Variants in PLIN4 observed in about 807,000 individuals in gnomAD.
PLIN4 encodes the protein perilipin 4.
In PLIN4, 57 loss-of-function variants were observed where a neutral mutation model predicts 52.4. The observed-to-expected ratio is 1.09, with a 90% confidence interval of 0.88 to 1.36. PLIN4 has a LOEUF of 1.36. Ranked by LOEUF, PLIN4 falls within the 40% of genes most tolerant of loss-of-function variation. The probability of loss-of-function intolerance (pLI) is 0.00; values close to 1 mark genes in which losing one functional copy is unlikely to be tolerated. For missense variants in PLIN4, 1,757 were observed against 1,770.3 expected, an observed-to-expected ratio of 0.99 and a Z score of 0.13; for synonymous variants, 826 against 785.4, an observed-to-expected ratio of 1.05 and a Z score of -0.86.
intron 2 of PLIN4, 103 bp from the exon 3 acceptor site, chr19:4,517,801 G>T: frequency 7.1e-7 from 1 of 1,408,532 alleles, no homozygotes; most frequent in Non-Finnish European, 9.5e-7. Context: ...CCGGCCCCTT[G>T]CTCCTGGGTG....
chr19:4,502,205 A>T lies in PLIN4; in HGVS notation c.*2254T>A, dbSNP rs574669437. 3.0e-6 allele frequency: 2 copies of T among 670,700 alleles called. No homozygotes were observed. The highest frequency in any genetic ancestry group is 3.7e-5 in the African/African-American group (2 of 54,708). 41.5% of individuals were successfully genotyped at this position (670,700 alleles called of 1,614,324 possible). ...GACTATAAATGGTTTTTTAATGAAA[A>T]AAGAAATCACTTTTATTGGCTTGGT... On this transcript the variant is annotated 3_prime_UTR_variant, in exon 8 of 8. Coordinates refer to ENST00000301286, the MANE Select transcript of PLIN4 (RefSeq NM_001367868.2).
intron 4 of PLIN4, among the ~76,000 whole-genome samples, chr19:4,515,855 G>A (rs559063873): frequency 1.3e-5 from 2 of 152,354 alleles, no homozygotes; most frequent in African/African-American, 2.4e-5. Flanking sequence ...GGGCCCTGTA[G>A]TTGGAGAGAC....
chr19:4,517,992 G>A (rs1976635798), intron 2 of PLIN4, among the ~76,000 whole-genome samples: 1 of 152,210 alleles, frequency 6.6e-6, no homozygotes, highest in Non-Finnish European at 1.5e-5. Flanking sequence ...CGGAGCTGAG[G>A]CCGGCCCAAG....
rs1232384684 is a variant in PLIN4, at chr19:4,503,521, G to C, written c.*938C>G. On this transcript the variant is annotated 3_prime_UTR_variant, in exon 8 of 8. Coordinates refer to ENST00000301286, the MANE Select transcript of PLIN4 (RefSeq NM_001367868.2). ...CCAGGGGGAGTGTGCGGCGGAGGAA[G>C]GGCTGTGCCATAGGCACGCAGCCTC... 1.3e-5 allele frequency: 2 copies of C among 152,512 alleles called. No individual in the cohort carries two copies. Among genetic ancestry groups the C allele is most frequent in the Non-Finnish European group, 2.9e-5 (2 of 68,264 alleles). 9.4% of individuals were successfully genotyped at this position (152,512 alleles called of 1,614,324 possible). A position where few individuals can be genotyped will look rare whatever the true frequency, so the allele number is the denominator to read the frequency against.
chr19:4,509,870 C>T (rs1014155226), intron 5 of PLIN4, among the ~76,000 whole-genome samples: 1 of 151,718 alleles, frequency 6.6e-6, no homozygotes, highest in Non-Finnish European at 1.5e-5. Context: ...GTAGTGAACG[C>T]ACCACTGCAC....
chr19:4,502,409 C>T lies in PLIN4; in HGVS notation c.*2050G>A, dbSNP rs1975942502. On this transcript the variant is annotated 3_prime_UTR_variant, in exon 8 of 8. Coordinates refer to ENST00000301286, the MANE Select transcript of PLIN4 (RefSeq NM_001367868.2). ...GAGAGCTGGGCGGGAGCAAGCTCTT[C>T]CCAGGAGACAAGAGGGACAAACCAG... The T allele has an allele frequency of 5.8e-6, 2 of 344,062 alleles. No homozygotes were observed. The highest frequency in any genetic ancestry group is 2.2e-5 in the African/African-American group (1 of 45,620). 21.3% of individuals were successfully genotyped at this position (344,062 alleles called of 1,614,324 possible). A position where few individuals can be genotyped will look rare whatever the true frequency, so the allele number is the denominator to read the frequency against.
intron 6 of PLIN4, among the ~76,000 whole-genome samples, chr19:4,506,622 T>G (rs1472394497): frequency 6.6e-6 from 1 of 152,164 alleles, no homozygotes; most frequent in Non-Finnish European, 1.5e-5. Flanking sequence ...ACATCCCATT[T>G]CCCAGCCCAG....
chr19:4,504,995 C>T (rs1293246179), intron 6 of PLIN4, 48 bp from the exon 7 acceptor site: 2 of 1,515,514 alleles, frequency 1.3e-6, no homozygotes, highest in Non-Finnish European at 1.8e-6. Context: ...GGCAAATGAC[C>T]TTTCACAACC....
chr19:4,502,350 T>G lies in PLIN4; in HGVS notation c.*2109A>C. ...CGTGAGAAGCGACTAAAAGGCACTCTGGGCCCAGCCCAACCCTGAAAGGCC... is the reference window on the plus strand; with the variant it reads ...CGTGAGAAGCGACTAAAAGGCACTCGGGGCCCAGCCCAACCCTGAAAGGCC... On this transcript the variant is annotated 3_prime_UTR_variant, in exon 8 of 8. Coordinates refer to ENST00000301286, the MANE Select transcript of PLIN4 (RefSeq NM_001367868.2). 2.6e-6 allele frequency: 1 copy of G among 377,804 alleles called. No individual in the cohort carries two copies. Among genetic ancestry groups the G allele is most frequent in the Non-Finnish European group, 4.9e-6 (1 of 202,366 alleles). 23.4% of individuals were successfully genotyped at this position (377,804 alleles called of 1,614,324 possible). A position where few individuals can be genotyped will look rare whatever the true frequency, so the allele number is the denominator to read the frequency against.
chr19:4,516,792 A>C (rs1599754296), intron 3 of PLIN4, 114 bp from the exon 4 acceptor site: 1 of 1,094,120 alleles, frequency 9.1e-7, no homozygotes. Flanking sequence ...TGTTTCAGCT[A>C]CCCCGCCAGG....
rs1976182156 is a variant in PLIN4, at chr19:4,508,852, T to G, written c.3618A>C (p.Ala1206=). ...GCAGGTGGCTCACCGCGTGTTCAAA[T>G]GCCCGCTGGCGGAAGCTGGGACCCA... ...GDLGPSFRQR[A]FEHAVSHLQH... is the part of the protein sequence containing the mutation. The change falls in exon 6 of 8, where the codon GCA becomes GCC. Residue 1206 remains alanine (A), a synonymous_variant. Coordinates refer to ENST00000301286, the MANE Select transcript of PLIN4 (RefSeq NM_001367868.2). The G allele has an allele frequency of 1.9e-6, 3 of 1,611,452 alleles. No individual in the cohort carries two copies. Among genetic ancestry groups the G allele is most frequent in the Non-Finnish European group, 2.5e-6 (3 of 1,179,150 alleles).
chr19:4,516,020 A>T (rs972233772), intron 4 of PLIN4, among the ~76,000 whole-genome samples: 6 of 152,208 alleles, frequency 3.9e-5, no homozygotes, highest in Admixed American at 3.3e-4. Flanking sequence ...AATGCCTGTA[A>T]TCCCAGCACT....
chr19:4,508,109 C>T (rs1398551592), intron 6 of PLIN4, among the ~76,000 whole-genome samples: 14 of 152,214 alleles, frequency 9.2e-5, no homozygotes, highest in Admixed American at 9.2e-4. Flanking sequence ...ACCCAGCTTG[C>T]TCCCCGGTAG....
chr19:4,508,549 G>A (rs774189493), intron 6 of PLIN4, among the ~76,000 whole-genome samples: 2 of 152,176 alleles, frequency 1.3e-5, no homozygotes, highest in African/African-American at 2.4e-5. Flanking sequence ...TTACAGGCGT[G>A]AGCCACCGCA....
Position 4,508,911 on chromosome 19 carries a change from C to G in PLIN4, c.3559G>C (p.Glu1187Gln), listed in dbSNP as rs745928904. ...SQPGPKVLSA[E>Q]QGSYFVRLGD... ...AAACGAACGAAGTAGCTCCCCTGTT[C>G]CGCCGACAGCACCTTTGGCCCAGGC... is the stretch of plus-strand genomic sequence containing the variant. The change falls in exon 6 of 8, where the codon GAA (glutamate) becomes CAA (glutamine). Residue 1187 changes from glutamate to glutamine, a missense_variant. Glu to Gln is a conservative substitution (Grantham distance 29, BLOSUM62 2). Coordinates refer to ENST00000301286, the MANE Select transcript of PLIN4 (RefSeq NM_001367868.2). The G allele has an allele frequency of 4.3e-6, 7 of 1,612,944 alleles. No homozygotes were observed. Among genetic ancestry groups the G allele is most frequent in the Non-Finnish European group, 5.1e-6 (6 of 1,179,784 alleles).
Position 4,512,546 on chromosome 19 carries a change from C to A in PLIN4, c.1414G>T (p.Gly472Trp), listed in dbSNP as rs771294329. ...LTGTKDTVCS[G>W]VTGAANVAKG... Reference sequence around the variant, plus strand: ...GCCACATTCGCAGCACCGGTGACCCCACTGCAGACAGTGTCCTTGGTACCA... The same window carrying A: ...GCCACATTCGCAGCACCGGTGACCCAACTGCAGACAGTGTCCTTGGTACCA... Residue 472 changes from glycine (G) to tryptophan (W), a missense_variant, in exon 5 of 8, where the codon GGG (glycine) becomes TGG (tryptophan). Gly to Trp is a radical substitution (Grantham distance 184). Around this residue, in one of 7 missense-constraint regions of PLIN4, gnomAD observed 439 missense variants for 406.4 expected, o/e 1.08. Transcript: ENST00000301286. 6.2e-7 allele frequency: 1 copy of A among 1,611,346 alleles called. No homozygotes were observed. The highest frequency in any genetic ancestry group is 8.5e-7 in the Non-Finnish European group (1 of 1,178,726).
rs199905638 is a variant in PLIN4 at position 4,513,021 on chromosome 19, A to G, written c.939T>C (p.Asn313=). 6.6e-6 allele frequency: 3 copies of G among 451,462 alleles called. No homozygotes were observed. The highest frequency in any genetic ancestry group is 2.2e-5 in the South Asian group (1 of 46,180). The allele number at this position is 451,462 out of a possible 1,614,324, so 28.0% of individuals were successfully genotyped here. ...TVCSGVTGAM[N]VAKGTIQTGV... ...CGGTCTGGATGGTTCCTTTGGCCAC[A>G]TTCATGGCACCAGTCACCCCACTAC... The change falls in exon 5 of 8, where the codon AAT becomes AAC. Residue 313 remains asparagine, a synonymous_variant. Coordinates refer to ENST00000301286, the MANE Select transcript of PLIN4 (RefSeq NM_001367868.2).
chr19:4,509,663 G>A (rs1680851667), intron 5 of PLIN4, among the ~76,000 whole-genome samples: 1 of 152,074 alleles, frequency 6.6e-6, no homozygotes, highest in South Asian at 2.1e-4. Context: ...AATGAAGCTG[G>A]GTATGGTGGC....
rs56271257 is a variant in PLIN4 at position 4,512,983 on chromosome 19, C to A, written c.977G>T (p.Ser326Ile). 8 of 600,176 alleles carry A rather than the reference C, an allele frequency of 1.3e-5. No homozygotes were observed. Among genetic ancestry groups the A allele is most frequent in the South Asian group, 1.1e-4 (6 of 54,680 alleles). 37.2% of individuals were successfully genotyped at this position (600,176 alleles called of 1,614,324 possible). A position where few individuals can be genotyped will look rare whatever the true frequency, so the allele number is the denominator to read the frequency against. ...KGTIQTGVDT[S>I]KTVLTGTKDT... ...CTTGGTACCTGTTAGGACAGTCTTA[C>A]TGGTGTCCACGCCGGTCTGGATGGT... Residue 326 changes from serine (S) to isoleucine (I), a missense_variant, in exon 5 of 8, where the codon AGT becomes ATT. Coordinates refer to ENST00000301286, the MANE Select transcript of PLIN4 (RefSeq NM_001367868.2).
Sources: allele counts gnomAD v4.1 joint callset (sites outside exome capture counted in the v4.1 genomes callset), GRCh38; gene constraint gnomAD v4.1.1; regional missense constraint gnomAD v4.1.1; transcripts MANE v1.5; gene names NCBI Gene and HGNC (gene_info 2026-07-23, HGNC 2026-07-21).